The following IQGAP1 variants were observed in gnomAD, a reference collection of about 807,000 sequenced individuals.
IQGAP1 encodes the protein ras GTPase-activating-like protein IQGAP1.
In IQGAP1, 66 loss-of-function variants were observed where a neutral mutation model predicts 215.6. That is an observed-to-expected ratio of 0.31 (90% CI 0.25 to 0.38). IQGAP1 has a LOEUF of 0.38. Among genes scored for constraint, IQGAP1 ranks in the 10% least tolerant of loss-of-function variants. IQGAP1 has a pLI of 1.00. For synonymous variants in IQGAP1, 772 were observed against 728.7 expected (o/e 1.06, Z -0.96); for missense variants, 1,712 against 1,997.1 (o/e 0.86, Z 2.72).
At chr15:90,471,288 A>T (rs1010478341) in intron 18 of IQGAP1, among the ~76,000 whole-genome samples, 3 of 152,074 alleles carry the variant, frequency 2.0e-5, no homozygotes, top group African/African-American at 7.2e-5. Context: ...CATTCTTAGC[A>T]TGTGGCTTCC....
At chr15:90,470,990 C>G (rs1300872851) in intron 18 of IQGAP1, among the ~76,000 whole-genome samples, 1 of 151,974 alleles carries the variant, frequency 6.6e-6, no homozygotes, top group Non-Finnish European at 1.5e-5. Flanking sequence ...CCTGAGTGAT[C>G]TCTTTCAAGC....
rs1227861149 is a variant in IQGAP1, at chr15:90,453,379, G to A, written c.1487+87G>A. The A allele has an allele frequency of 4.0e-6, 4 of 997,056 alleles. No homozygotes were observed. In the Admixed American group the frequency reaches 7.7e-5, roughly 19 times the overall value. 61.8% of individuals were successfully genotyped at this position (997,056 alleles called of 1,614,324 possible). ...GTCAGTGCTCCGATTTTCTTTGCAG[G>A]CATTATTACTTTATCATGGTCATAC... is the stretch of plus-strand genomic sequence containing the variant. On this transcript the variant is annotated intron_variant, in intron 13 of 37. Coordinates refer to ENST00000268182, the MANE Select transcript of IQGAP1 (RefSeq NM_003870.4).
In IQGAP1 at chr15:90,477,948, C is replaced by T. The variant is rs373511152; in HGVS notation, c.3329+59C>T. The T allele has an allele frequency of 6.1e-5, 67 of 1,091,970 alleles. No homozygotes were observed. The African/African-American group carries it at 9.0e-4, about 15-fold the overall frequency. 67.6% of individuals were successfully genotyped at this position (1,091,970 alleles called of 1,614,324 possible). A position where few individuals can be genotyped will look rare whatever the true frequency, so the allele number is the denominator to read the frequency against. ...TTGTTATAGTCTTTCCCTCTTTTTT[C>T]CCCTCTCTTTATTTATAAACTAATA... is the stretch of plus-strand genomic sequence containing the variant. On this transcript the variant is annotated intron_variant, in intron 26 of 37. Transcript: ENST00000268182.
rs1395180024 is a variant in IQGAP1, at chr15:90,448,688, C to T, written c.1029C>T (p.Ser343=). The T allele has an allele frequency of 6.2e-6, 10 of 1,609,330 alleles. No homozygotes were observed. Among genetic ancestry groups the T allele is most frequent in the Admixed American group, 1.7e-5 (1 of 59,104 alleles). The change falls in exon 10 of 38, where the codon AGC becomes AGT. Residue 343 remains serine (S), a synonymous_variant. Transcript: ENST00000268182. The part of the protein sequence containing the change: ...LGLRGLQQQN[S]DWYLKQLLSD... ...TTCGAGGACTGCAGCAACAGAATAG[C>T]GACTGGTACTTGAAGCAGCTCCTGA...
At position 90,397,510 on chromosome 15, in the gene IQGAP1, CTTTTTTT is replaced by C. The variant is rs892748490; in HGVS notation, c.155+6655_155+6661del. Among the ~76,000 whole-genome samples the C allele has an allele frequency of 5.6e-5, 6 of 106,392 alleles. No homozygotes were observed. In the East Asian group the frequency reaches 8.3e-4, roughly 15 times the overall value. The allele number at this position is 106,392 out of a possible 152,430, so 69.8% of individuals were successfully genotyped here. The stretch of plus-strand genomic sequence containing the variant: ...TGAAATACAGTAGGCACTCAACAAA[CTTTTTTT>C]TTTTTTTTTTTTTTTTTGAGACGGA... On this transcript the variant is annotated intron_variant, in intron 2 of 37. Transcript: ENST00000268182.
At chr15:90,398,483 G>T (rs748018436) in intron 2 of IQGAP1, among the ~76,000 whole-genome samples, 2 of 152,134 alleles carry the variant, frequency 1.3e-5, no homozygotes, top group Non-Finnish European at 2.9e-5. Context: ...GAAAAACTGT[G>T]TATATAATTT....
intron 8 of IQGAP1, 43 bp from the exon 9 acceptor site, chr15:90,443,351 G>A: frequency 7.7e-7 from 1 of 1,291,378 alleles, no homozygotes; most frequent in Non-Finnish European, 1.1e-6. Flanking sequence ...GGTCTTCTTA[G>A]ACACCTTAAG....
chr15:90,454,279 C>G, intron 13 of IQGAP1, 149 bp from the exon 14 acceptor site: 1 of 712,476 alleles, frequency 1.4e-6, no homozygotes, highest in Non-Finnish European at 2.3e-6. Context: ...ATTTCTGTTG[C>G]ATTTTTGCAC....
chr15:90,466,863 G>A (rs559484553), intron 17 of IQGAP1, among the ~76,000 whole-genome samples: 60 of 152,288 alleles, frequency 3.9e-4, no homozygotes, highest in Admixed American at 5.2e-4. Flanking sequence ...AGGCTGAGGC[G>A]GGCAGATCGC....
Position 90,390,868 on chromosome 15 carries a change from G to T in IQGAP1, c.150G>T (p.Ala50=). 6.3e-7 allele frequency: 1 copy of T among 1,594,948 alleles called. No individual in the cohort carries two copies. Residue 50 remains alanine, a synonymous_variant, in exon 2 of 38, where the codon GCG becomes GCT. Coordinates refer to ENST00000268182, the MANE Select transcript of IQGAP1 (RefSeq NM_003870.4). ...AGTACCTTTGTCATTTGGAAGAAGC[G>T]AAGAGGTAAAGATTGGCTGGCTGGA... is the stretch of plus-strand genomic sequence containing the variant. The part of the protein sequence containing the change: ...AYEYLCHLEE[A]KRWMEACLGE...
intron 15 of IQGAP1, among the ~76,000 whole-genome samples, chr15:90,463,942 A>T (rs1012533929): frequency 3.0e-4 from 46 of 152,298 alleles, no homozygotes; most frequent in African/African-American, 1.1e-3. Context: ...TTTCTCTAAT[A>T]AAACAGGAGG....
Position 90,477,826 on chromosome 15 carries a change from C to A in IQGAP1, c.3266C>A (p.Thr1089Asn), listed in dbSNP as rs957125310. ...GATGACAAATCTCTCAACATCAAAACTGACCCTGTGGATATTTACAAATCT... is the reference window on the plus strand; with the variant it reads ...GATGACAAATCTCTCAACATCAAAAATGACCCTGTGGATATTTACAAATCT... ...IMDDKSLNIK[T>N]DPVDIYKSWV... The change falls in exon 26 of 38, where the codon ACT (threonine) becomes AAT (asparagine). Residue 1089 changes from threonine (T) to asparagine (N), a missense_variant. By Grantham distance (65) the Thr-to-Asn change is moderately conservative (BLOSUM62 0). Transcript: ENST00000268182. 1.9e-6 allele frequency: 3 copies of A among 1,614,036 alleles called. No individual in the cohort carries two copies. The highest frequency in any genetic ancestry group is 2.5e-6 in the Non-Finnish European group (3 of 1,179,992).
At chr15:90,418,831 G>A (rs1965091003) in intron 2 of IQGAP1, among the ~76,000 whole-genome samples, 1 of 152,064 alleles carries the variant, frequency 6.6e-6, no homozygotes, top group Non-Finnish European at 1.5e-5. Flanking sequence ...TGTTGAAGGA[G>A]GAAGTATCCT....
At chr15:90,396,315 G>A (rs1964718349) in intron 2 of IQGAP1, among the ~76,000 whole-genome samples, 1 of 152,144 alleles carries the variant, frequency 6.6e-6, no homozygotes, top group Non-Finnish European at 1.5e-5. Flanking sequence ...AGACATTTAA[G>A]AAGCAAGAAA....
chr15:90,432,275 C>G (rs915795734), intron 4 of IQGAP1, among the ~76,000 whole-genome samples: 1 of 152,142 alleles, frequency 6.6e-6, no homozygotes, highest in Non-Finnish European at 1.5e-5. Context: ...AGTCTCAAAA[C>G]CTTGGAGATA....
At chr15:90,482,353 C>A in intron 28 of IQGAP1, 72 bp downstream of exon 28, 2 of 1,399,834 alleles carry the variant, frequency 1.4e-6, no homozygotes, top group African/African-American at 1.4e-5. Context: ...GACCATAGAT[C>A]ATTACTAACT....
At chr15:90,404,966 A>T (rs1412439116) in intron 2 of IQGAP1, among the ~76,000 whole-genome samples, 4 of 152,114 alleles carry the variant, frequency 2.6e-5, no homozygotes, top group Admixed American at 2.6e-4. Context: ...TAGTTTTTGA[A>T]TTTTTTGCAT....
chr15:90,501,367 T>C lies in IQGAP1; in HGVS notation c.*1259T>C, dbSNP rs1966338772. On this transcript the variant is annotated 3_prime_UTR_variant, in exon 38 of 38. Transcript: ENST00000268182. Reference sequence around the variant, plus strand: ...CATTGCATTTAGAAAGCTTTTGTTCTTGGATAAAAAGTCATACACTTTAAA... The same window carrying C: ...CATTGCATTTAGAAAGCTTTTGTTCCTGGATAAAAAGTCATACACTTTAAA... 1 of 151,622 alleles carries C rather than the reference T, an allele frequency of 6.6e-6. No individual in the cohort carries two copies. The highest frequency in any genetic ancestry group is 2.4e-5 in the African/African-American group (1 of 41,076). 9.4% of individuals were successfully genotyped at this position (151,622 alleles called of 1,614,324 possible).
intron 37 of IQGAP1, among the ~76,000 whole-genome samples, chr15:90,498,708 C>T (rs1371425214): frequency 1.3e-5 from 2 of 151,938 alleles, no homozygotes; most frequent in Admixed American, 6.6e-5. Context: ...AGTGTAGTGG[C>T]GTGTTCTCCA....
Sources: gnomAD v4.1 joint callset for allele counts (sites outside exome capture counted in the v4.1 genomes callset) on GRCh38, gnomAD v4.1.1 for gene constraint, MANE v1.5 for transcripts, NCBI Gene and HGNC (gene_info 2026-07-23, HGNC 2026-07-21) for gene names.